NTM: variants seen among roughly 807,000 people sequenced by gnomAD.
NTM encodes the protein IgLON family member 2.
In NTM, 13 loss-of-function variants were observed where a neutral mutation model predicts 42.1. That is an observed-to-expected ratio of 0.31 (90% CI 0.20 to 0.49). NTM has a LOEUF of 0.49. NTM is among the 20% of genes least tolerant of loss of function. The pLI is 0.99. For missense variants in NTM, 373 were observed against 452.8 expected (o/e 0.82, Z 1.60); for synonymous variants, 187 against 179.2 (o/e 1.04, Z -0.35).
At chr11:131,771,376 T>A (rs886433325) in intron 1 of NTM, 1 of 152,206 alleles carries the variant, frequency 6.6e-6, no homozygotes, top group Admixed American at 6.5e-5. Flanking sequence ...GTTTTAGTCA[T>A]AATTGTCACA....
intron 1 of NTM, among the ~76,000 whole-genome samples, chr11:131,646,418 C>A (rs1284626168): frequency 6.6e-6 from 1 of 152,198 alleles, no homozygotes; most frequent in Non-Finnish European, 1.5e-5. Context: ...GCTTTCTTCC[C>A]CAGGCCCTAA....
intron 1 of NTM, among the ~76,000 whole-genome samples, chr11:131,904,180 G>A (rs1349431612): frequency 6.6e-6 from 1 of 152,128 alleles, no homozygotes; most frequent in African/African-American, 2.4e-5. Context: ...GGGGAACAAG[G>A]AATAAAACCT....
intron 1 of NTM, among the ~76,000 whole-genome samples, chr11:131,375,513 G>T (rs1941846109): frequency 1.3e-5 from 2 of 152,318 alleles, no homozygotes; most frequent in South Asian, 4.1e-4. Flanking sequence ...CATTGCCGGA[G>T]GGTGCTTCAT....
chr11:132,116,623 C>A (rs1200586199), intron 2 of NTM, among the ~76,000 whole-genome samples: 2 of 152,142 alleles, frequency 1.3e-5, no homozygotes, highest in African/African-American at 4.8e-5. Flanking sequence ...GTTCCTTCTA[C>A]CTCAAGGACC....
intron 2 of NTM, among the ~76,000 whole-genome samples, chr11:131,923,390 T>C (rs1565745386): frequency 6.6e-6 from 1 of 152,224 alleles, no homozygotes; most frequent in Non-Finnish European, 1.5e-5. Flanking sequence ...AAATTATTTA[T>C]CTTTTACTAG....
intron 1 of NTM, among the ~76,000 whole-genome samples, chr11:131,518,084 G>A (rs1456842179): frequency 2.6e-5 from 4 of 152,200 alleles, no homozygotes; most frequent in African/African-American, 9.7e-5. Flanking sequence ...GTGTTGAGAG[G>A]TGGGCAAATA....
At chr11:132,266,977 G>A (rs1056194130) in intron 4 of NTM, among the ~76,000 whole-genome samples, 14 of 152,306 alleles carry the variant, frequency 9.2e-5, no homozygotes, top group Admixed American at 2.0e-4. Context: ...GAAAGTTGGC[G>A]TATCAAATCA....
chr11:132,022,632 T>A (rs1363737133), intron 2 of NTM, among the ~76,000 whole-genome samples: 1 of 152,202 alleles, frequency 6.6e-6, no homozygotes, highest in African/African-American at 2.4e-5. Context: ...AATATAATAA[T>A]GTCAAAAGAC....
chr11:131,925,074 C>A (rs2057757852), intron 2 of NTM, among the ~76,000 whole-genome samples: 1 of 152,164 alleles, frequency 6.6e-6, no homozygotes, highest in Non-Finnish European at 1.5e-5. Context: ...CTTTATTCTA[C>A]AGGAATGTGA....
At chr11:131,798,910 C>T (rs1245469614) in intron 1 of NTM, among the ~76,000 whole-genome samples, 3 of 152,128 alleles carry the variant, frequency 2.0e-5, no homozygotes, top group East Asian at 3.9e-4. Flanking sequence ...CTCCCCTATT[C>T]GATCGCTATG....
At chr11:131,667,135 C>T (rs910425147) in intron 1 of NTM, among the ~76,000 whole-genome samples, 54 of 152,280 alleles carry the variant, frequency 3.5e-4, no homozygotes, top group Non-Finnish European at 7.4e-4. Context: ...ACCTCTGTGC[C>T]CTACCTGGGA....
chr11:132,199,281 A>C (rs1368878943), intron 3 of NTM, among the ~76,000 whole-genome samples: 2 of 152,182 alleles, frequency 1.3e-5, no homozygotes, highest in Non-Finnish European at 2.9e-5. Context: ...TAGTTCACCT[A>C]ATTCATATGG....
intron 2 of NTM, among the ~76,000 whole-genome samples, chr11:132,034,776 A>G (rs2135703999): frequency 6.6e-6 from 1 of 152,310 alleles, no homozygotes; most frequent in East Asian, 1.9e-4. Context: ...CCGAGGCTGG[A>G]TGCTTTGCCA....
At chr11:131,826,899 A>G (rs928788763) in intron 1 of NTM, among the ~76,000 whole-genome samples, 2 of 152,158 alleles carry the variant, frequency 1.3e-5, no homozygotes, top group Non-Finnish European at 2.9e-5. Flanking sequence ...ATGCAGTCAC[A>G]TGGCATGGAG....
At chr11:131,655,449 G>C (rs1029926025) in intron 1 of NTM, among the ~76,000 whole-genome samples, 1 of 152,180 alleles carries the variant, frequency 6.6e-6, no homozygotes, top group Non-Finnish European at 1.5e-5. Flanking sequence ...GAGAAAAACA[G>C]GAAACCTGAA....
chr11:131,389,652 C>T (rs1222906912), intron 1 of NTM, among the ~76,000 whole-genome samples: 1 of 152,120 alleles, frequency 6.6e-6, no homozygotes, highest in Non-Finnish European at 1.5e-5. Context: ...TTAAGGGCTT[C>T]GTGAGAAGCT....
At chr11:131,870,212 C>A (rs1277702869) in intron 1 of NTM, among the ~76,000 whole-genome samples, 1 of 152,184 alleles carries the variant, frequency 6.6e-6, no homozygotes, top group Non-Finnish European at 1.5e-5. Context: ...AGTGGATGGG[C>A]TTTGGATTTA....
At chr11:132,039,975 A>G (rs964515767) in intron 2 of NTM, among the ~76,000 whole-genome samples, 1 of 151,960 alleles carries the variant, frequency 6.6e-6, no homozygotes, top group Non-Finnish European at 1.5e-5. Flanking sequence ...CCCAGGCTGG[A>G]GTGCAGTGGC....
intron 2 of NTM, among the ~76,000 whole-genome samples, chr11:131,923,916 G>A (rs2057577166): frequency 6.6e-6 from 1 of 152,220 alleles, no homozygotes; most frequent in Admixed American, 6.5e-5. Context: ...GATTAGCCTT[G>A]CTGTGCCTCA....
Sources: allele counts gnomAD v4.1 joint callset (sites outside exome capture counted in the v4.1 genomes callset), GRCh38; gene constraint gnomAD v4.1.1; transcripts MANE v1.5; gene names NCBI Gene and HGNC (gene_info 2026-07-23, HGNC 2026-07-21).